CRIM1: variants seen among roughly 807,000 people sequenced by gnomAD.
CRIM1 encodes the protein cysteine-rich motor neuron 1 protein.
In CRIM1, 32 loss-of-function variants were observed where a neutral mutation model predicts 116.4. The observed-to-expected ratio is 0.27, with a 90% CI of 0.21 to 0.37. CRIM1 has a LOEUF of 0.37. Ranked by LOEUF, CRIM1 falls within the 10% of genes least tolerant of loss-of-function variation. The pLI, the probability that CRIM1 is intolerant of heterozygous loss-of-function variation, is 1.00. For synonymous variants in CRIM1, 590 were observed against 509.2 expected, an observed-to-expected ratio of 1.16 and a Z score of -2.13; for missense variants, 1,331 against 1,354.8, an observed-to-expected ratio of 0.98 and a Z score of 0.28.
chr2:36,405,178 A>G (rs1409139161), intron 2 of CRIM1, among the ~76,000 whole-genome samples: 2 of 152,206 alleles, frequency 1.3e-5, no homozygotes, highest in East Asian at 3.9e-4. Flanking sequence ...CATTTTGGGT[A>G]TTTTTTATGT....
chr2:36,515,133 C>G lies in CRIM1; in HGVS notation c.1990+1368C>G, dbSNP rs181429482. ...AAAATCATGTGTTTGCATGAAGACC[C>G]CTGCTTTAATTATAGGTGTGAATGC... On this transcript the variant is annotated intron_variant, in intron 11 of 16. Transcript: ENST00000280527. Among the ~76,000 whole-genome samples, 17 of 152,188 alleles carry G rather than the reference C, an allele frequency of 1.1e-4. 1 individual carries two copies. The highest frequency in any genetic ancestry group is 7.9e-4 in the Admixed American group (12 of 15,280).
In CRIM1 at chr2:36,492,194, T is replaced by C. The variant is rs11124517; in HGVS notation, c.1373-7025T>C. Among the ~76,000 whole-genome samples, 217 of 152,258 alleles carry C rather than the reference T, an allele frequency of 1.4e-3. 1 individual carries two copies. The highest frequency in any genetic ancestry group is 5.1e-3 in the African/African-American group (214 of 41,556). ...AATACATGGTTGCTTCCTTTTCCGA[T>C]CACAAAATAATACAAATCTTGGGAA... On this transcript the variant is annotated intron_variant, in intron 7 of 16. Coordinates refer to ENST00000280527, the MANE Select transcript of CRIM1 (RefSeq NM_016441.3).
chr2:36,533,988 G>GGGAA lies in CRIM1; in HGVS notation c.2429-3347_2429-3344dup, dbSNP rs367705353. ...AGGGAAAGGGAAGGAAGGAGAGAGG[G>GGGAA]GGAAGGAAGGAAGGAAGGAAAGGAG... On this transcript the variant is annotated intron_variant, in intron 13 of 16. Coordinates refer to ENST00000280527, the MANE Select transcript of CRIM1 (RefSeq NM_016441.3). Among the ~76,000 whole-genome samples, 452 of 147,548 alleles carry GGGAA rather than the reference G, an allele frequency of 3.1e-3. 3 individuals carry two copies. The highest frequency in any genetic ancestry group is 0.011 in the African/African-American group (413 of 38,952).
At chr2:36,547,316 T>A in intron 16 of CRIM1, 145 bp downstream of exon 16, 1 of 655,542 alleles carries the variant, frequency 1.5e-6, no homozygotes, top group South Asian at 1.9e-5. Flanking sequence ...GGCTATAGTA[T>A]GAATCAAATA....
At chr2:36,450,301 A>G (rs984394651) in intron 4 of CRIM1, among the ~76,000 whole-genome samples, 2 of 152,140 alleles carry the variant, frequency 1.3e-5, no homozygotes, top group African/African-American at 4.8e-5. Context: ...TCCTGGACCC[A>G]TATTTGCACT....
chr2:36,530,730 C>T (rs1348240382), intron 13 of CRIM1, among the ~76,000 whole-genome samples: 1 of 152,190 alleles, frequency 6.6e-6, no homozygotes, highest in Non-Finnish European at 1.5e-5. Context: ...TACATGGGCC[C>T]TTTGTATGCC....
intron 2 of CRIM1, among the ~76,000 whole-genome samples, chr2:36,401,527 G>T (rs955287089): frequency 4.6e-5 from 7 of 152,182 alleles, no homozygotes; most frequent in Non-Finnish European, 8.8e-5. Flanking sequence ...ACATCAGTTT[G>T]ATGCAGTAGT....
At chr2:36,363,237 C>T (rs1348898344) in intron 1 of CRIM1, among the ~76,000 whole-genome samples, 2 of 150,694 alleles carry the variant, frequency 1.3e-5, no homozygotes, top group East Asian at 3.9e-4. Context: ...TTTCTGGGGT[C>T]AAATCTGCAC....
intron 13 of CRIM1, 69 bp from the exon 14 acceptor site, chr2:36,537,283 T>C: frequency 1.4e-6 from 2 of 1,394,962 alleles, no homozygotes; most frequent in Non-Finnish European, 2.0e-6. Flanking sequence ...TCCCTTGATC[T>C]CTCACGTCTA....
chr2:36,490,534 A>C (rs1680154164), intron 7 of CRIM1, among the ~76,000 whole-genome samples: 1 of 152,118 alleles, frequency 6.6e-6, no homozygotes, highest in Non-Finnish European at 1.5e-5. Context: ...GCTTAGATTC[A>C]AAGGCCAGTC....
At chr2:36,451,263 A>G (rs1676699676) in intron 4 of CRIM1, among the ~76,000 whole-genome samples, 1 of 152,132 alleles carries the variant, frequency 6.6e-6, no homozygotes, top group South Asian at 2.1e-4. Context: ...AAGGCTCCCA[A>G]GTTTTGGAAG....
intron 16 of CRIM1, among the ~76,000 whole-genome samples, chr2:36,548,244 G>T (rs1297130815): frequency 1.3e-5 from 2 of 150,082 alleles, no homozygotes; most frequent in Non-Finnish European, 3.0e-5. Flanking sequence ...TGCACTTCAA[G>T]GATTTGAAAT....
intron 13 of CRIM1, among the ~76,000 whole-genome samples, chr2:36,530,051 G>T (rs1030744064): frequency 1.3e-5 from 2 of 152,056 alleles, no homozygotes; most frequent in African/African-American, 4.8e-5. Flanking sequence ...TTTATTGGAA[G>T]CTAAAAGTTA....
intron 2 of CRIM1, among the ~76,000 whole-genome samples, chr2:36,432,092 G>T (rs58185473): frequency 0.16 from 24,102 of 152,096 alleles, 2,118 homozygotes; most frequent in East Asian, 0.47. Context: ...TGCTGAGCTG[G>T]CTATACAAAT....
rs141912360 is a variant in CRIM1, at chr2:36,403,294, C to T, written c.505+6507C>T. ...AATTCTCCTCTGTTTTAGCTGAAAA[C>T]GTTTGGAGAACGTTGAATGGTTTAT... On this transcript the variant is annotated intron_variant, in intron 2 of 16. Transcript: ENST00000280527. Among the ~76,000 whole-genome samples the T allele has an allele frequency of 5.6e-4, 85 of 152,258 alleles. No homozygotes were observed. In the East Asian group the frequency reaches 0.016, roughly 28 times the overall value.
intron 2 of CRIM1, among the ~76,000 whole-genome samples, chr2:36,405,256 A>G (rs374133417): frequency 6.6e-6 from 1 of 152,224 alleles, no homozygotes; most frequent in South Asian, 2.1e-4. Context: ...GAGTATTAGC[A>G]TTCATGCCGC....
chr2:36,491,839 T>A (rs1041292313), intron 7 of CRIM1, among the ~76,000 whole-genome samples: 6 of 152,166 alleles, frequency 3.9e-5, no homozygotes, highest in African/African-American at 1.4e-4. Flanking sequence ...TGTAACACAT[T>A]ATTTCCACTT....
chr2:36,521,403 T>G (rs1665380972), intron 12 of CRIM1, among the ~76,000 whole-genome samples: 2 of 152,200 alleles, frequency 1.3e-5, no homozygotes, highest in South Asian at 4.1e-4. Flanking sequence ...TGAGAATTTG[T>G]CTGAATATTG....
chr2:36,525,071 C>T (rs1665665256), intron 13 of CRIM1, among the ~76,000 whole-genome samples: 1 of 152,160 alleles, frequency 6.6e-6, no homozygotes, highest in African/African-American at 2.4e-5. Flanking sequence ...TCATATAAAC[C>T]CATGACTTAG....
Sources: gnomAD v4.1 joint callset for allele counts (sites outside exome capture counted in the v4.1 genomes callset) on GRCh38, gnomAD v4.1.1 for gene constraint, MANE v1.5 for transcripts, NCBI Gene and HGNC (gene_info 2026-07-23, HGNC 2026-07-21) for gene names.